Variants in GOLGA4 observed in about 807,000 individuals in gnomAD.
GOLGA4 encodes the protein golgin subfamily A member 4.
In GOLGA4, 169 loss-of-function variants were observed where a neutral mutation model predicts 265.9. The observed-to-expected ratio is 0.64, with a 90% CI of 0.56 to 0.72. The LOEUF (loss-of-function observed/expected upper bound fraction) is 0.72, where lower values mean the gene tolerates loss of function less well. GOLGA4 is among the 30% of genes least tolerant of loss of function. The pLI is 0.00. For missense variants in GOLGA4, 2,482 were observed against 2,483.4 expected, an observed-to-expected ratio of 1.00 and a Z score of 0.01; for synonymous variants, 923 against 855.8, an observed-to-expected ratio of 1.08 and a Z score of -1.37.
intron 4 of GOLGA4, among the ~76,000 whole-genome samples, 155 bp from the exon 5 acceptor site, chr3:37,289,080 C>T (rs1341530237): frequency 6.6e-6 from 1 of 152,170 alleles, no homozygotes; most frequent in Non-Finnish European, 1.5e-5. Flanking sequence ...TCAATATGGT[C>T]ACATCTTTAA....
chr3:37,327,059 G>T lies in GOLGA4; in HGVS notation c.5173G>T (p.Asp1725Tyr), dbSNP rs1001334215. Residue 1725 changes from aspartate to tyrosine, a missense_variant, in exon 14 of 24, where the codon GAT (aspartate) becomes TAT (tyrosine). Around this residue, in one of 3 missense-constraint regions of GOLGA4, gnomAD observed 942 missense variants for 983.1 expected, o/e 0.96. Coordinates refer to ENST00000361924, the MANE Select transcript of GOLGA4 (RefSeq NM_002078.5). ...AGCATATACTGAACAAGAAGAAGCA[G>T]ATTCCCAAGGCTGTGTGCAGAAGAC... ...VAAYTEQEEA[D>Y]SQGCVQKTYE... 1.9e-6 allele frequency: 3 copies of T among 1,613,912 alleles called. No homozygotes were observed. Among genetic ancestry groups the T allele is most frequent in the Non-Finnish European group, 2.5e-6 (3 of 1,179,858 alleles).
intron 21 of GOLGA4, among the ~76,000 whole-genome samples, chr3:37,353,117 A>G (rs1487666246): frequency 6.6e-6 from 1 of 152,092 alleles, no homozygotes; most frequent in Admixed American, 6.6e-5. Flanking sequence ...GATTAAGTCC[A>G]CTATCTTATA....
chr3:37,297,272 G>A (rs113596873), intron 7 of GOLGA4, among the ~76,000 whole-genome samples: 86 of 152,338 alleles, frequency 5.6e-4, no homozygotes, highest in African/African-American at 1.9e-3. Context: ...GGAGTAAGTA[G>A]TTGAGCAGTT....
intron 22 of GOLGA4, among the ~76,000 whole-genome samples, chr3:37,360,377 T>C (rs1696161163): frequency 6.6e-6 from 1 of 152,234 alleles, no homozygotes; most frequent in East Asian, 1.9e-4. Flanking sequence ...ATGGATTTTG[T>C]ATACTTCTGC....
chr3:37,261,242 C>G (rs933160172), intron 2 of GOLGA4, among the ~76,000 whole-genome samples: 93 of 152,130 alleles, frequency 6.1e-4, no homozygotes, highest in Admixed American at 1.5e-3. Context: ...GCCTAACATG[C>G]TAAATCCTCA....
Position 37,325,480 on chromosome 3 carries a change from C to G in GOLGA4, c.3594C>G (p.Ser1198Arg). Residue 1198 changes from serine to arginine, a missense_variant, in exon 14 of 24, where the codon AGC becomes AGG. Ser to Arg is a moderately radical substitution (Grantham distance 110). Around this residue, in one of 3 missense-constraint regions of GOLGA4, gnomAD observed 1,536 missense variants for 1,483.7 expected, o/e 1.04. Transcript: ENST00000361924. ...LKSSHEKSNK[S>R]LEDKSLEFKK... ...CTTCACATGAAAAAAGTAACAAAAG[C>G]CTAGAGGACAAGAGCTTGGAATTTA... 1 of 1,612,930 alleles carries G rather than the reference C, an allele frequency of 6.2e-7. No individual in the cohort carries two copies. Among genetic ancestry groups the G allele is most frequent in the Non-Finnish European group, 8.5e-7 (1 of 1,179,462 alleles).
intron 20 of GOLGA4, among the ~76,000 whole-genome samples, chr3:37,342,742 A>C (rs916830533): frequency 6.6e-6 from 1 of 152,204 alleles, no homozygotes; most frequent in African/African-American, 2.4e-5. Flanking sequence ...AGAATATATA[A>C]GAATGGAATT....
intron 22 of GOLGA4, among the ~76,000 whole-genome samples, chr3:37,359,986 A>T (rs1449021219): frequency 1.3e-5 from 2 of 152,198 alleles, no homozygotes; most frequent in African/African-American, 4.8e-5. Flanking sequence ...AAAAAATATT[A>T]TAAGCCAGAA....
At chr3:37,270,047 C>T (rs1487746518) in intron 2 of GOLGA4, among the ~76,000 whole-genome samples, 1 of 151,626 alleles carries the variant, frequency 6.6e-6, no homozygotes, top group Non-Finnish European at 1.5e-5. Flanking sequence ...GTGCTCGCCA[C>T]CATGCCTGGC....
chr3:37,317,579 A>G (rs529064820), intron 11 of GOLGA4, among the ~76,000 whole-genome samples: 1 of 152,322 alleles, frequency 6.6e-6, no homozygotes, highest in East Asian at 1.9e-4. Context: ...ATTGTTGCCT[A>G]GTTGCTGTGA....
chr3:37,287,784 G>T (rs1578513919), intron 4 of GOLGA4, among the ~76,000 whole-genome samples: 1 of 152,098 alleles, frequency 6.6e-6, no homozygotes, highest in Non-Finnish European at 1.5e-5. Flanking sequence ...TTGGGGAAAA[G>T]AACTTTGGTT....
intron 10 of GOLGA4, among the ~76,000 whole-genome samples, chr3:37,302,536 G>T (rs1163777296): frequency 6.6e-6 from 1 of 152,224 alleles, no homozygotes; most frequent in Non-Finnish European, 1.5e-5. Flanking sequence ...GCCTATTTAT[G>T]TACAGCCCTT....
At chr3:37,266,671 A>C (rs1310644508) in intron 2 of GOLGA4, among the ~76,000 whole-genome samples, 1 of 152,040 alleles carries the variant, frequency 6.6e-6, no homozygotes, top group African/African-American at 2.4e-5. Context: ...CCAGCAGCTT[A>C]TTATTTCTGT....
chr3:37,298,699 C>A, intron 7 of GOLGA4, 134 bp from the exon 8 acceptor site: 2 of 626,436 alleles, frequency 3.2e-6, no homozygotes, highest in Non-Finnish European at 5.6e-6. Context: ...CAGGAACGAA[C>A]AATGACAGCT....
At chr3:37,336,983 T>A (rs372109768) in intron 17 of GOLGA4, among the ~76,000 whole-genome samples, 160 bp from the exon 18 acceptor site, 65 of 152,308 alleles carry the variant, frequency 4.3e-4, no homozygotes, top group African/African-American at 1.4e-3. Context: ...AACATTTGTT[T>A]AGAAGCACAT....
intron 2 of GOLGA4, chr3:37,276,149 C>T (rs1037929105): frequency 1.3e-5 from 21 of 1,604,320 alleles, no homozygotes; most frequent in East Asian, 2.2e-5. Context: ...TGCAGCTCTT[C>T]GAACAGGGGA....
chr3:37,294,477 C>T (rs1471616833), intron 5 of GOLGA4, among the ~76,000 whole-genome samples: 3 of 151,672 alleles, frequency 2.0e-5, no homozygotes, highest in African/African-American at 4.8e-5. Flanking sequence ...CTCTTCCTCC[C>T]GGGTTCAAGT....
chr3:37,321,584 T>G (rs2096954867), intron 12 of GOLGA4, 147 bp from the exon 13 acceptor site: 2 of 670,544 alleles, frequency 3.0e-6, no homozygotes, highest in African/African-American at 1.8e-5. Context: ...TTCTGCAGAC[T>G]AGAGCATGGG....
intron 20 of GOLGA4, among the ~76,000 whole-genome samples, chr3:37,344,492 CT>C (rs56761489): frequency 7.2e-4 from 85 of 118,210 alleles, no homozygotes; most frequent in South Asian, 1.7e-3. Flanking sequence ...ACCTCACTGT[CT>C]TTTTTTTTTT....
Sources: allele counts gnomAD v4.1 joint callset (sites outside exome capture counted in the v4.1 genomes callset), GRCh38; gene constraint gnomAD v4.1.1; regional missense constraint gnomAD v4.1.1; transcripts MANE v1.5; gene names NCBI Gene and HGNC (gene_info 2026-07-23, HGNC 2026-07-21).